SDCCAG8: variants seen among roughly 807,000 people sequenced by gnomAD.
SDCCAG8 encodes the protein serologically defined colon cancer antigen 8.
SDCCAG8 carries 74 observed loss-of-function variants against 101.8 expected under a neutral mutation model. That is an observed-to-expected ratio of 0.73 (90% CI 0.60 to 0.88). SDCCAG8 has a LOEUF of 0.88. Among genes scored for constraint, SDCCAG8 ranks in the 40% least tolerant of loss-of-function variants. SDCCAG8 has a pLI of 0.00. For missense variants in SDCCAG8, 787 were observed against 822.6 expected (o/e 0.96, Z 0.53); for synonymous variants, 281 against 292.9 (o/e 0.96, Z 0.41).
At chr1:243,280,200 G>A (rs1344551387) in intron 4 of SDCCAG8, among the ~76,000 whole-genome samples, 1 of 152,068 alleles carries the variant, frequency 6.6e-6, no homozygotes, top group East Asian at 1.9e-4. Context: ...GTTGTTCATA[G>A]TATTTCTTTG....
intron 16 of SDCCAG8, among the ~76,000 whole-genome samples, chr1:243,443,128 A>G: frequency 6.6e-6 from 1 of 152,022 alleles, no homozygotes; most frequent in African/African-American, 2.4e-5. Context: ...GAGGAGCTCT[A>G]TTGTGTTTTA....
chr1:243,332,386 A>G (rs574115358), intron 10 of SDCCAG8, among the ~76,000 whole-genome samples: 1 of 152,338 alleles, frequency 6.6e-6, no homozygotes, highest in African/African-American at 2.4e-5. Context: ...GGAGAAGCAG[A>G]ATAGATGCCT....
intron 6 of SDCCAG8, among the ~76,000 whole-genome samples, chr1:243,303,012 T>C (rs1298287990): frequency 6.6e-6 from 1 of 152,182 alleles, no homozygotes; most frequent in Non-Finnish European, 1.5e-5. Context: ...TTTACAACAG[T>C]CAATCAAGGA....
chr1:243,350,430 C>T (rs1189979368), intron 12 of SDCCAG8, among the ~76,000 whole-genome samples: 2 of 152,088 alleles, frequency 1.3e-5, no homozygotes, highest in Non-Finnish European at 2.9e-5. Context: ...GTTGCCCAGG[C>T]TGGTCTTGAA....
intron 6 of SDCCAG8, among the ~76,000 whole-genome samples, chr1:243,300,543 G>C (rs960101511): frequency 6.6e-6 from 1 of 152,110 alleles, no homozygotes; most frequent in Non-Finnish European, 1.5e-5. Context: ...CCAAATAAAA[G>C]TCTTGATATT....
intron 8 of SDCCAG8, 35 bp from the exon 9 acceptor site, chr1:243,316,720 A>G: frequency 1.9e-6 from 3 of 1,613,854 alleles, no homozygotes; most frequent in Non-Finnish European, 2.5e-6. Flanking sequence ...TCGTTTGATC[A>G]TTTCTTGTTT....
intron 16 of SDCCAG8, among the ~76,000 whole-genome samples, chr1:243,467,058 C>T (rs1660297705): frequency 6.6e-6 from 1 of 152,308 alleles, no homozygotes; most frequent in South Asian, 2.1e-4. Flanking sequence ...AGTTGGAAAC[C>T]TGGGGGGCAC....
intron 5 of SDCCAG8, among the ~76,000 whole-genome samples, chr1:243,290,110 C>A (rs1210773373): frequency 6.6e-6 from 1 of 151,798 alleles, no homozygotes; most frequent in Admixed American, 6.6e-5. Context: ...GTCATGTGTC[C>A]TTCTTTAAAG....
rs745398975 is a variant in SDCCAG8 at position 243,344,343 on chromosome 1, CACAGCATA to C, written c.1473+14_1473+21del. 2.6e-6 allele frequency: 4 copies of C among 1,536,726 alleles called. No individual in the cohort carries two copies. In the Admixed American group the frequency reaches 6.7e-5, roughly 26 times the overall value. ...AAATTAAAGATCAGGTAAGAGAGGA[CACAGCATA>C]ATTGCAGCAATTATAGATATGAGTA... On this transcript the variant is annotated intron_variant, in intron 12 of 17. Coordinates refer to ENST00000366541, the MANE Select transcript of SDCCAG8 (RefSeq NM_006642.5).
At chr1:243,346,642 T>C (rs2075726109) in intron 12 of SDCCAG8, among the ~76,000 whole-genome samples, 1 of 152,202 alleles carries the variant, frequency 6.6e-6, no homozygotes, top group Non-Finnish European at 1.5e-5. Flanking sequence ...AGAGTAACAA[T>C]GGCAGTCGCT....
At chr1:243,401,750 A>G (rs544028924) in intron 13 of SDCCAG8, among the ~76,000 whole-genome samples, 48 of 151,158 alleles carry the variant, frequency 3.2e-4, no homozygotes, top group Non-Finnish European at 4.7e-4. Context: ...AAAAAAAATG[A>G]AGGGGATCAT....
intron 9 of SDCCAG8, among the ~76,000 whole-genome samples, chr1:243,329,913 A>C (rs1180908143): frequency 6.6e-6 from 1 of 152,142 alleles, no homozygotes; most frequent in Non-Finnish European, 1.5e-5. Context: ...GATCCTTATA[A>C]AACTAAGTAG....
intron 7 of SDCCAG8, 96 bp from the exon 8 acceptor site, chr1:243,307,893 C>G: frequency 6.3e-7 from 1 of 1,588,970 alleles, no homozygotes; most frequent in Non-Finnish European, 8.5e-7. Flanking sequence ...GGTGAGTACC[C>G]ATAAACGATA....
intron 17 of SDCCAG8, among the ~76,000 whole-genome samples, chr1:243,493,772 C>T (rs896962812): frequency 9.9e-5 from 15 of 151,682 alleles, no homozygotes; most frequent in African/African-American, 3.2e-4. Context: ...TCAAGATCAT[C>T]GACATTATCT....
At chr1:243,468,123 C>T (rs1333230700) in intron 16 of SDCCAG8, among the ~76,000 whole-genome samples, 3 of 152,174 alleles carry the variant, frequency 2.0e-5, no homozygotes, top group African/African-American at 7.2e-5. Flanking sequence ...ACTTACTACC[C>T]CTGTGAACTT....
At chr1:243,390,773 A>T (rs2078652589) in intron 13 of SDCCAG8, among the ~76,000 whole-genome samples, 1 of 152,222 alleles carries the variant, frequency 6.6e-6, no homozygotes. Context: ...AACAATGAGC[A>T]TCAGGTTCAA....
chr1:243,268,211 CCTTT>C (rs1188120981), intron 1 of SDCCAG8: 27 of 481,462 alleles, frequency 5.6e-5, no homozygotes, highest in Middle Eastern at 5.3e-4. Context: ...CTGTCTCGTT[CCTTT>C]CTAATAGATT....
intron 16 of SDCCAG8, among the ~76,000 whole-genome samples, chr1:243,471,276 C>T (rs928707133): frequency 1.3e-5 from 2 of 152,184 alleles, no homozygotes; most frequent in African/African-American, 2.4e-5. Flanking sequence ...AATGGTCCTG[C>T]GAGCCCAGGA....
intron 13 of SDCCAG8, among the ~76,000 whole-genome samples, chr1:243,403,443 AT>A (rs2079537550): frequency 6.6e-6 from 1 of 152,214 alleles, no homozygotes; most frequent in African/African-American, 2.4e-5. Context: ...ACTAATTAAT[AT>A]TTTTTAACTT....
Sources: allele counts gnomAD v4.1 joint callset (sites outside exome capture counted in the v4.1 genomes callset), GRCh38; gene constraint gnomAD v4.1.1; transcripts MANE v1.5; gene names NCBI Gene and HGNC (gene_info 2026-07-23, HGNC 2026-07-21).